The following COL11A1 variants were observed in gnomAD, a reference collection of about 807,000 sequenced individuals.
COL11A1 encodes collagen type XI alpha 1 chain.
COL11A1 carries 74 observed loss-of-function variants against 265.2 expected under a neutral mutation model. The observed-to-expected ratio is 0.28, with a 90% CI of 0.23 to 0.34. The LOEUF (loss-of-function observed/expected upper bound fraction) is 0.34. Ranked by LOEUF, COL11A1 falls within the 10% of genes least tolerant of loss-of-function variation. COL11A1 has a pLI of 1.00. For missense variants in COL11A1, 2,165 were observed against 2,263.6 expected, an observed-to-expected ratio of 0.96 and a Z score of 0.88; for synonymous variants, 816 against 727.6, an observed-to-expected ratio of 1.12 and a Z score of -1.96.
chr1:103,088,978 C>T (rs1036200427), intron 1 of COL11A1, among the ~76,000 whole-genome samples: 1 of 152,170 alleles, frequency 6.6e-6, no homozygotes, highest in African/African-American at 2.4e-5. Context: ...ATCGACTCGC[C>T]CATCCTGACA....
chr1:102,998,304 A>T lies in COL11A1; in HGVS notation c.2196+6T>A. On this transcript the variant is annotated splice_donor_region_variant and intron_variant, in intron 25 of 66. Transcript: ENST00000370096. Reference sequence around the variant, plus strand: ...AAATTTTAATGACCAGGTAGCTGTTACTTACAGGAGGCCCATCAGCACCAG... The same window carrying T: ...AAATTTTAATGACCAGGTAGCTGTTTCTTACAGGAGGCCCATCAGCACCAG... 1 of 1,606,138 alleles carries T rather than the reference A, an allele frequency of 6.2e-7. No individual in the cohort carries two copies.
chr1:102,940,094 C>A (rs560645415), intron 43 of COL11A1, among the ~76,000 whole-genome samples: 1 of 152,136 alleles, frequency 6.6e-6, no homozygotes. Context: ...TTTCTCACTA[C>A]CACTGTTCTT....
chr1:103,086,868 A>C (rs1672918687), intron 1 of COL11A1, among the ~76,000 whole-genome samples: 1 of 152,140 alleles, frequency 6.6e-6, no homozygotes, highest in Non-Finnish European at 1.5e-5. Context: ...CCATTAATTA[A>C]GTCCTTAAGT....
At position 102,961,713 on chromosome 1, in the gene COL11A1, C is replaced by T. The variant is rs530928561; in HGVS notation, c.3168+153G>A. ...CCTTCTGTTTCTGCATTCATTAGTG[C>T]ATGCAATTAGTGGGAACTAGGCATT... On this transcript the variant is annotated intron_variant, in intron 41 of 66. Transcript: ENST00000370096. 94 of 682,904 alleles carry T rather than the reference C, an allele frequency of 1.4e-4. No individual in the cohort carries two copies. The African/African-American group carries it at 1.6e-3, about 12-fold the overall frequency. The allele number at this position is 682,904 out of a possible 1,614,324, so 42.3% of individuals were successfully genotyped here. A position where few individuals can be genotyped will look rare whatever the true frequency, so the allele number is the denominator to read the frequency against.
At chr1:103,024,901 A>G (rs1463800354) in intron 7 of COL11A1, among the ~76,000 whole-genome samples, 1 of 152,166 alleles carries the variant, frequency 6.6e-6, no homozygotes, top group Non-Finnish European at 1.5e-5. Context: ...TGTATTCTTC[A>G]TGATCAGAAT....
At chr1:103,055,168 T>C (rs758345190) in intron 4 of COL11A1, among the ~76,000 whole-genome samples, 2 of 152,216 alleles carry the variant, frequency 1.3e-5, no homozygotes, top group Non-Finnish European at 2.9e-5. Context: ...ATGTGTGTGA[T>C]TTTAAAATGC....
intron 4 of COL11A1, among the ~76,000 whole-genome samples, chr1:103,048,487 C>A (rs955707828): frequency 6.6e-6 from 1 of 151,808 alleles, no homozygotes; most frequent in Non-Finnish European, 1.5e-5. Flanking sequence ...ATTCTTCTCT[C>A]TTTTCTTCTT....
intron 8 of COL11A1, 34 bp from the exon 9 acceptor site, chr1:103,021,803 T>C (rs746962449): frequency 7.2e-7 from 1 of 1,393,748 alleles, no homozygotes; most frequent in Non-Finnish European, 1.0e-6. Flanking sequence ...AGCCTAAATG[T>C]CTGTAAGACC....
intron 56 of COL11A1, 68 bp from the exon 57 acceptor site, chr1:102,898,246 A>C (rs1236464067): frequency 1.4e-5 from 10 of 733,708 alleles, no homozygotes; most frequent in Non-Finnish European, 1.9e-5. Flanking sequence ...ATTTATTTTA[A>C]ATTTTAGAAA....
intron 14 of COL11A1, among the ~76,000 whole-genome samples, chr1:103,010,305 A>G (rs1443208290): frequency 3.3e-5 from 5 of 152,208 alleles, no homozygotes; most frequent in African/African-American, 1.2e-4. Flanking sequence ...GAAGACTAAT[A>G]ATTTAATGTT....
At chr1:102,889,188 A>T (rs1651410363) in intron 59 of COL11A1, among the ~76,000 whole-genome samples, 1 of 152,146 alleles carries the variant, frequency 6.6e-6, no homozygotes, top group African/African-American at 2.4e-5. Flanking sequence ...ATCCCTCAGA[A>T]TATGATTTAC....
chr1:103,009,702 T>C (rs1571022076), intron 14 of COL11A1, among the ~76,000 whole-genome samples: 1 of 152,184 alleles, frequency 6.6e-6, no homozygotes, highest in East Asian at 1.9e-4. Context: ...GACAGAGATT[T>C]AAATTATGCT....
At chr1:102,979,246 C>T in intron 32 of COL11A1, 136 bp downstream of exon 32, 1 of 1,233,210 alleles carries the variant, frequency 8.1e-7, no homozygotes. Flanking sequence ...CTATGCTGCC[C>T]AGGCTGGCCT....
chr1:103,055,358 A>G (rs2102163035), intron 4 of COL11A1, among the ~76,000 whole-genome samples: 2 of 152,362 alleles, frequency 1.3e-5, no homozygotes, highest in South Asian at 4.1e-4. Flanking sequence ...TTCATATTTT[A>G]TGGAAGACCT....
Position 102,879,684 on chromosome 1 carries a change from G to T in COL11A1, c.5273C>A (p.Ala1758Glu), listed in dbSNP as rs202065765. 6.2e-7 allele frequency: 1 copy of T among 1,612,280 alleles called. No homozygotes were observed. Among genetic ancestry groups the T allele is most frequent in the Non-Finnish European group, 8.5e-7 (1 of 1,178,796 alleles). The change falls in exon 66 of 67, where the codon GCG (alanine) becomes GAG (glutamate). Residue 1758 changes from alanine (A) to glutamate (E), a missense_variant and splice_region_variant. Coordinates refer to ENST00000370096, the MANE Select transcript of COL11A1 (RefSeq NM_001854.4). Reference sequence around the variant, plus strand: ...GAGACAAGCAGAACTTATACTCACCGCACAACCATCATACAGTGTTTTGAT... The same window carrying T: ...GAGACAAGCAGAACTTATACTCACCTCACAACCATCATACAGTGTTTTGAT... Reference protein sequence around the residue: ...PFIKTLYDGCASRKGYEKTVI... With the variant: ...PFIKTLYDGCESRKGYEKTVI...
intron 49 of COL11A1, among the ~76,000 whole-genome samples, chr1:102,917,515 C>T (rs1201718176): frequency 1.3e-5 from 2 of 151,886 alleles, no homozygotes; most frequent in Non-Finnish European, 2.9e-5. Context: ...TAAAAAGCTT[C>T]TGCACAGCAA....
intron 30 of COL11A1, 67 bp downstream of exon 30, chr1:102,987,566 A>G: frequency 8.2e-7 from 1 of 1,221,538 alleles, no homozygotes; most frequent in African/African-American, 1.5e-5. Flanking sequence ...CAGTTATTGA[A>G]AGAAATTTAA....
Position 102,965,340 on chromosome 1 carries a change from G to A in COL11A1, c.2916+147C>T, listed in dbSNP as rs565081498. 2.9e-5 allele frequency: 23 copies of A among 801,164 alleles called. No individual in the cohort carries two copies. The East Asian group carries it at 3.7e-4, about 13-fold the overall frequency. The allele number at this position is 801,164 out of a possible 1,614,324, so 49.6% of individuals were successfully genotyped here. A position where few individuals can be genotyped will look rare whatever the true frequency, so the allele number is the denominator to read the frequency against. On this transcript the variant is annotated intron_variant, in intron 38 of 66. Transcript: ENST00000370096. The stretch of plus-strand genomic sequence containing the variant: ...AGTTTGTTGGTTTCATTTGATGTAC[G>A]AAAGCTGCATATATTTAAATGCAAT...
chr1:102,879,784 A>T lies in COL11A1; in HGVS notation c.5173T>A (p.Ser1725Thr), dbSNP rs1649995568. The change falls in exon 66 of 67, where the codon TCA (serine) becomes ACA (threonine). Residue 1725 changes from serine (S) to threonine (T), a missense_variant. Physicochemically the swap from Ser to Thr is moderately conservative, Grantham distance 58. Coordinates refer to ENST00000370096, the MANE Select transcript of COL11A1 (RefSeq NM_001854.4). ...CGAAGTGCTTTGTCATAACTTCCTG[A>T]TGACACATCATACCAGGCTGCTGAC... is the stretch of plus-strand genomic sequence containing the variant. ...HQSAAWYDVSSGSYDKALRFL... is the reference protein window; with the variant it reads ...HQSAAWYDVSTGSYDKALRFL... The T allele has an allele frequency of 6.2e-7, 1 of 1,613,992 alleles. No homozygotes were observed.
Sources: gnomAD v4.1 joint callset for allele counts (sites outside exome capture counted in the v4.1 genomes callset) on GRCh38, gnomAD v4.1.1 for gene constraint, MANE v1.5 for transcripts, NCBI Gene and HGNC (gene_info 2026-07-23, HGNC 2026-07-21) for gene names.